PDE4D: variants seen among roughly 807,000 people sequenced by gnomAD.
PDE4D encodes the protein 3',5'-cyclic-AMP phosphodiesterase 4D.
Under a neutral mutation model 87.4 loss-of-function variants are expected in PDE4D, and 24 were observed. That is an observed-to-expected ratio of 0.27 (90% CI 0.20 to 0.39). The LOEUF (loss-of-function observed/expected upper bound fraction) is 0.39. Among genes scored for constraint, PDE4D ranks in the 10% least tolerant of loss-of-function variants. The pLI is 1.00. For missense variants in PDE4D, 714 were observed against 1,041.0 expected, an observed-to-expected ratio of 0.69 and a Z score of 4.32; for synonymous variants, 384 against 383.2, an observed-to-expected ratio of 1.00 and a Z score of -0.02.
At chr5:60,036,904 G>A (rs942708587) in intron 2 of PDE4D, among the ~76,000 whole-genome samples, 2 of 152,314 alleles carry the variant, frequency 1.3e-5, no homozygotes, top group Non-Finnish European at 2.9e-5. Context: ...TTGGAAAGGG[G>A]TAGAGGGAGG....
At chr5:60,186,521 C>G (rs1487493105) in intron 1 of PDE4D, among the ~76,000 whole-genome samples, 1 of 152,110 alleles carries the variant, frequency 6.6e-6, no homozygotes, top group Non-Finnish European at 1.5e-5. Flanking sequence ...GATATATTTG[C>G]ATGTGGGCTG....
chr5:60,055,559 A>G (rs1450929464), intron 2 of PDE4D, among the ~76,000 whole-genome samples: 1 of 152,138 alleles, frequency 6.6e-6, no homozygotes, highest in Admixed American at 6.6e-5. Context: ...AATAACCATA[A>G]ATGTAATATA....
intron 2 of PDE4D, among the ~76,000 whole-genome samples, chr5:60,074,944 T>G (rs1297946697): frequency 1.3e-5 from 2 of 152,156 alleles, no homozygotes; most frequent in African/African-American, 4.8e-5. Context: ...ATTGGGTCAT[T>G]CTTCTTTATT....
At chr5:59,309,062 C>A (rs998407027) in intron 1 of PDE4D, among the ~76,000 whole-genome samples, 1 of 152,124 alleles carries the variant, frequency 6.6e-6, no homozygotes, top group African/African-American at 2.4e-5. Context: ...TCTGCTTCCA[C>A]GCAAACCCAA....
At chr5:59,059,785 A>C (rs1404576185) in intron 5 of PDE4D, among the ~76,000 whole-genome samples, 1 of 152,184 alleles carries the variant, frequency 6.6e-6, no homozygotes, top group African/African-American at 2.4e-5. Flanking sequence ...AGATTATACT[A>C]TACATTACCT....
chr5:59,960,074 G>A (rs991216453), intron 3 of PDE4D, among the ~76,000 whole-genome samples: 1 of 152,038 alleles, frequency 6.6e-6, no homozygotes, highest in African/African-American at 2.4e-5. Flanking sequence ...AGACATACAA[G>A]CAACCAATAA....
chr5:59,616,943 A>ATATATATATATATATATATATATATATC (rs1351290068), intron 1 of PDE4D, among the ~76,000 whole-genome samples: 2 of 139,170 alleles, frequency 1.4e-5, no homozygotes, highest in African/African-American at 5.1e-5. Context: ...ATATATATAT[A>ATATATATATATATATATATATATATATC]TATCTCCAAG....
chr5:59,724,614 C>T (rs904954093), intron 1 of PDE4D, among the ~76,000 whole-genome samples: 1 of 152,010 alleles, frequency 6.6e-6, no homozygotes, highest in Non-Finnish European at 1.5e-5. Flanking sequence ...GTCACGATGC[C>T]AGTAAATGCT....
chr5:60,212,645 G>A (rs1225423273), intron 1 of PDE4D, among the ~76,000 whole-genome samples: 2 of 152,182 alleles, frequency 1.3e-5, no homozygotes, highest in African/African-American at 4.8e-5. Context: ...AAGCAAAAGA[G>A]GGAGAGAGAA....
intron 1 of PDE4D, among the ~76,000 whole-genome samples, chr5:59,717,296 T>C (rs1755174601): frequency 6.6e-6 from 1 of 152,118 alleles, no homozygotes; most frequent in Non-Finnish European, 1.5e-5. Flanking sequence ...GAACATAAAT[T>C]CTCACTCTCA....
chr5:59,386,692 A>G, intron 1 of PDE4D, among the ~76,000 whole-genome samples: 1 of 57,632 alleles, frequency 1.7e-5, no homozygotes, highest in Non-Finnish European at 4.5e-5. Flanking sequence ...CGCAGGAGGA[A>G]GGGAGGGAGG....
intron 1 of PDE4D, among the ~76,000 whole-genome samples, chr5:59,549,640 A>C (rs758458289): frequency 1.3e-5 from 2 of 152,174 alleles, no homozygotes; most frequent in East Asian, 3.8e-4. Flanking sequence ...TGTGTCTCTA[A>C]GAATTCTATA....
chr5:60,060,784 T>C (rs1179358404), intron 2 of PDE4D, among the ~76,000 whole-genome samples: 1 of 152,032 alleles, frequency 6.6e-6, no homozygotes, highest in Admixed American at 6.6e-5. Context: ...GGGGGTAGGT[T>C]TGCATAGATC....
intron 1 of PDE4D, among the ~76,000 whole-genome samples, chr5:60,352,629 G>A (rs1022742623): frequency 1.6e-4 from 25 of 152,206 alleles, no homozygotes; most frequent in African/African-American, 6.0e-4. Flanking sequence ...ACAGGACCCT[G>A]AAGGCAAAAC....
At position 59,266,270 on chromosome 5, in the gene PDE4D, A is replaced by AAT. The variant is rs34379829; in HGVS notation, c.456-50304_456-50303dup. ...GAAACACAGTGAGACCCTGTCTCTAAATATATATATATATATATATTCTTC... is the reference window on the plus strand; with the variant it reads ...GAAACACAGTGAGACCCTGTCTCTAAATATATATATATATATATATATTCTTC... On this transcript the variant is annotated intron_variant, in intron 1 of 14. Transcript: ENST00000340635. Among the ~76,000 whole-genome samples, 816 of 149,642 alleles carry AAT rather than the reference A, an allele frequency of 5.5e-3. 7 individuals carry two copies. Among genetic ancestry groups the AAT allele is most frequent in the African/African-American group, 0.016 (660 of 40,864 alleles).
At chr5:59,464,700 T>C (rs1263029100) in intron 1 of PDE4D, among the ~76,000 whole-genome samples, 1 of 152,152 alleles carries the variant, frequency 6.6e-6, no homozygotes, top group East Asian at 1.9e-4. Context: ...TCCAAGTCTC[T>C]CGTTCCACCT....
chr5:60,504,636 T>C (rs948209291), intron 1 of PDE4D, among the ~76,000 whole-genome samples: 2 of 152,228 alleles, frequency 1.3e-5, no homozygotes, highest in African/African-American at 2.4e-5. Flanking sequence ...GTTGATTGAC[T>C]TCAGTAAGCT....
At chr5:59,794,137 GCACACACACACACA>G (rs58204799) in intron 1 of PDE4D, among the ~76,000 whole-genome samples, 19,749 of 144,956 alleles carry the variant, frequency 0.14, 1,701 homozygotes, top group South Asian at 0.22. Flanking sequence ...ACACAGAGGC[GCACACACACACACA>G]CACACACACA....
chr5:59,401,675 T>C (rs530285480), intron 1 of PDE4D, among the ~76,000 whole-genome samples: 6 of 152,308 alleles, frequency 3.9e-5, no homozygotes, highest in African/African-American at 1.2e-4. Context: ...TTAAACTCCA[T>C]TTACATTTAG....
Sources: allele counts gnomAD v4.1 joint callset (sites outside exome capture counted in the v4.1 genomes callset), GRCh38; gene constraint gnomAD v4.1.1; transcripts MANE v1.5; gene names NCBI Gene and HGNC (gene_info 2026-07-23, HGNC 2026-07-21).